Variants in PCNX1 observed in about 807,000 individuals in gnomAD.
The protein encoded by PCNX1 is pecanex-like protein 1.
In PCNX1, 78 loss-of-function variants were observed where a neutral mutation model predicts 242.2. The observed-to-expected ratio is 0.32, with a 90% CI of 0.27 to 0.39. PCNX1 has a LOEUF of 0.39. PCNX1 is among the 10% of genes least tolerant of loss of function. PCNX1 has a pLI of 1.00. For missense variants in PCNX1, 2,581 were observed against 2,856.5 expected, an observed-to-expected ratio of 0.90 and a Z score of 2.20; for synonymous variants, 1,024 against 1,032.9, an observed-to-expected ratio of 0.99 and a Z score of 0.17.
intron 30 of PCNX1, among the ~76,000 whole-genome samples, chr14:71,098,112 T>G (rs73297518): frequency 0.034 from 5,237 of 152,294 alleles, 268 homozygotes; most frequent in African/African-American, 0.12. Context: ...ACAGCTTTAT[T>G]TCTGGGTTCT....
chr14:71,005,681 T>G (rs1566687728), intron 8 of PCNX1, among the ~76,000 whole-genome samples: 1 of 152,206 alleles, frequency 6.6e-6, no homozygotes, highest in Non-Finnish European at 1.5e-5. Flanking sequence ...TGAATGTTTA[T>G]CAGAATTTGC....
At chr14:70,948,056 C>T (rs1334386455) in intron 2 of PCNX1, among the ~76,000 whole-genome samples, 1 of 152,160 alleles carries the variant, frequency 6.6e-6, no homozygotes, top group Non-Finnish European at 1.5e-5. Context: ...TGCTCTTGAA[C>T]CCTGTTTCCT....
intron 26 of PCNX1, among the ~76,000 whole-genome samples, chr14:71,067,163 T>C (rs1038754514): frequency 2.6e-5 from 4 of 152,106 alleles, no homozygotes; most frequent in Non-Finnish European, 5.9e-5. Flanking sequence ...CTTTTTATTG[T>C]TTGGAATAGT....
At chr14:71,106,110 T>C (rs2062611856) in intron 33 of PCNX1, among the ~76,000 whole-genome samples, 1 of 151,960 alleles carries the variant, frequency 6.6e-6, no homozygotes, top group Admixed American at 6.6e-5. Flanking sequence ...GCCTCCTGGG[T>C]TCACACCATT....
intron 33 of PCNX1, among the ~76,000 whole-genome samples, chr14:71,108,123 C>T (rs2062674458): frequency 6.6e-6 from 1 of 152,200 alleles, no homozygotes; most frequent in African/African-American, 2.4e-5. Flanking sequence ...CTGGCAACCA[C>T]CATTCTACTC....
chr14:70,965,951 C>T (rs1264425812), intron 3 of PCNX1, among the ~76,000 whole-genome samples: 1 of 152,034 alleles, frequency 6.6e-6, no homozygotes, highest in Non-Finnish European at 1.5e-5. Flanking sequence ...TAAAAAGATA[C>T]TGTTTTTTCT....
rs983775729 is a variant in PCNX1, at chr14:70,996,240, T to TA, written c.2629+324dup. ...ATGTAGGAGAAAACGTTGACTTTTT[T>TA]AAAAAAAAAGTTTCTTACTAAACTT... On this transcript the variant is annotated intron_variant, in intron 8 of 35. Coordinates refer to ENST00000304743, the MANE Select transcript of PCNX1 (RefSeq NM_014982.3). Among the ~76,000 whole-genome samples the TA allele has an allele frequency of 1.2e-4, 18 of 151,122 alleles. 1 individual carries two copies. In the East Asian group the frequency reaches 1.4e-3, roughly 11 times the overall value.
At chr14:71,102,565 C>T (rs2062492671) in intron 31 of PCNX1, among the ~76,000 whole-genome samples, 1 of 152,042 alleles carries the variant, frequency 6.6e-6, no homozygotes, top group African/African-American at 2.4e-5. Flanking sequence ...CACGCCCAGC[C>T]TTGATGTAAA....
chr14:71,106,154 C>T (rs542310646), intron 33 of PCNX1, among the ~76,000 whole-genome samples: 8 of 151,960 alleles, frequency 5.3e-5, no homozygotes, highest in Middle Eastern at 3.4e-3. Context: ...GCTGGGACTA[C>T]AGGTGCATGC....
chr14:70,926,709 T>A (rs1340200226), intron 1 of PCNX1, among the ~76,000 whole-genome samples: 1 of 152,122 alleles, frequency 6.6e-6, no homozygotes, highest in Non-Finnish European at 1.5e-5. Flanking sequence ...GGGTGTGGTG[T>A]TACCCTCAAG....
At chr14:71,097,050 A>G (rs1241624903) in intron 30 of PCNX1, among the ~76,000 whole-genome samples, 8 of 152,164 alleles carry the variant, frequency 5.3e-5, no homozygotes, top group Non-Finnish European at 8.8e-5. Flanking sequence ...GCTAAAGGCA[A>G]TTCCTAGAAG....
intron 2 of PCNX1, among the ~76,000 whole-genome samples, chr14:70,954,860 T>A (rs1394782902): frequency 2.0e-5 from 3 of 152,224 alleles, no homozygotes; most frequent in Non-Finnish European, 4.4e-5. Context: ...CACTAGTAAG[T>A]AAGATCTTTG....
chr14:71,003,629 T>C (rs1230962704), intron 8 of PCNX1, among the ~76,000 whole-genome samples: 1 of 152,220 alleles, frequency 6.6e-6, no homozygotes, highest in African/African-American at 2.4e-5. Flanking sequence ...AATATGAACT[T>C]GTACATTCAC....
At chr14:70,990,212 G>A (rs187906751) in intron 7 of PCNX1, among the ~76,000 whole-genome samples, 1 of 151,910 alleles carries the variant, frequency 6.6e-6, no homozygotes, top group African/African-American at 2.4e-5. Context: ...TCTGGGGGCT[G>A]CCCAGTTCAC....
At chr14:71,053,245 C>G (rs929546849) in intron 24 of PCNX1, 1 of 451,708 alleles carries the variant, frequency 2.2e-6, no homozygotes, top group African/African-American at 2.0e-5. Context: ...GATTTAGAAC[C>G]CCTTTATACT....
chr14:71,096,102 G>A (rs532688426), intron 30 of PCNX1, among the ~76,000 whole-genome samples: 1 of 152,222 alleles, frequency 6.6e-6, no homozygotes, highest in East Asian at 1.9e-4. Flanking sequence ...GGCGGATCAC[G>A]AGGTCAGGAG....
intron 5 of PCNX1, among the ~76,000 whole-genome samples, chr14:70,973,881 G>A (rs1465904815): frequency 6.6e-6 from 1 of 151,780 alleles, no homozygotes; most frequent in Non-Finnish European, 1.5e-5. Context: ...TAATTCAGTG[G>A]TTTTTAGAAT....
chr14:71,107,352 T>C lies in PCNX1; in HGVS notation c.6302-1252T>C, dbSNP rs2062653622. Among the ~76,000 whole-genome samples the C allele has an allele frequency of 2.0e-5, 3 of 152,236 alleles. No homozygotes were observed. The East Asian group carries it at 5.8e-4, about 29-fold the overall frequency. ...TGAGATCTGTTTTCTTTTGTGGTTT[T>C]TGTAATTTTTTTTTTATTTGCTGAA... On this transcript the variant is annotated intron_variant, in intron 33 of 35. Coordinates refer to ENST00000304743, the MANE Select transcript of PCNX1 (RefSeq NM_014982.3).
intron 19 of PCNX1, among the ~76,000 whole-genome samples, chr14:71,038,835 A>C (rs573056154): frequency 1.3e-5 from 2 of 151,442 alleles, no homozygotes; most frequent in Admixed American, 6.6e-5. Context: ...ATGTCCAACA[A>C]TGATAGACTG....
Sources: gnomAD v4.1 joint callset for allele counts (sites outside exome capture counted in the v4.1 genomes callset) on GRCh38, gnomAD v4.1.1 for gene constraint, MANE v1.5 for transcripts, NCBI Gene and HGNC (gene_info 2026-07-23, HGNC 2026-07-21) for gene names.